Variants in PALM2AKAP2 observed in about 807,000 individuals in gnomAD.
PALM2AKAP2 encodes the protein PALM2-AKAP2 fusion protein.
In PALM2AKAP2, 37 loss-of-function variants were observed where a neutral mutation model predicts 71.5. The ratio of observed to expected loss-of-function variants is 0.52; its 90% confidence interval spans 0.40 to 0.68. The LOEUF is 0.68. Among genes scored for constraint, PALM2AKAP2 ranks in the 30% least tolerant of loss-of-function variants. The pLI is 0.00. For synonymous variants in PALM2AKAP2, 468 were observed against 478.8 expected (o/e 0.98, Z 0.29); for missense variants, 1,224 against 1,191.8 (o/e 1.03, Z -0.40).
intron 1 of PALM2AKAP2, among the ~76,000 whole-genome samples, chr9:109,819,034 A>G (rs1317187104): frequency 1.3e-5 from 2 of 152,242 alleles, no homozygotes; most frequent in Non-Finnish European, 2.9e-5. Context: ...GCAGAGTCCC[A>G]ATTTGAGAAA....
chr9:109,863,459 C>T (rs1829367169), intron 1 of PALM2AKAP2, among the ~76,000 whole-genome samples: 1 of 152,046 alleles, frequency 6.6e-6, no homozygotes, highest in African/African-American at 2.4e-5. Context: ...ATGGTGACTG[C>T]ATGTGTTTGA....
At chr9:110,167,721 T>C (rs940881617) in intron 3 of PALM2AKAP2, among the ~76,000 whole-genome samples, 2 of 152,208 alleles carry the variant, frequency 1.3e-5, no homozygotes, top group African/African-American at 4.8e-5. Flanking sequence ...TTAGTTTAAT[T>C]TTGCCAAAGT....
At chr9:109,669,933 C>T (rs74868869) in intron 1 of PALM2AKAP2, among the ~76,000 whole-genome samples, 10,125 of 149,922 alleles carry the variant, frequency 0.068, 415 homozygotes, top group Non-Finnish European at 0.084. Context: ...TATTTTTCTT[C>T]TATGTATTTT....
intron 2 of PALM2AKAP2, among the ~76,000 whole-genome samples, chr9:110,150,099 T>C (rs1283784579): frequency 6.6e-6 from 1 of 152,162 alleles, no homozygotes; most frequent in Non-Finnish European, 1.5e-5. Context: ...CATGACAGGA[T>C]CAATGCCCTT....
intron 1 of PALM2AKAP2, among the ~76,000 whole-genome samples, chr9:109,757,300 G>T (rs1266895754): frequency 6.6e-6 from 1 of 152,090 alleles, no homozygotes; most frequent in African/African-American, 2.4e-5. Flanking sequence ...ACATTTAGTG[G>T]CAAAGAATAC....
chr9:109,981,734 A>T (rs1435104952), intron 6 of PALM2AKAP2, among the ~76,000 whole-genome samples: 2 of 152,198 alleles, frequency 1.3e-5, no homozygotes, highest in Admixed American at 6.5e-5. Flanking sequence ...GATCCAAAAA[A>T]TGCAAATCAA....
intron 6 of PALM2AKAP2, among the ~76,000 whole-genome samples, chr9:109,951,986 G>T (rs1423482099): frequency 6.6e-6 from 1 of 152,226 alleles, no homozygotes; most frequent in Non-Finnish European, 1.5e-5. Flanking sequence ...GGTGCAGTCT[G>T]CTGTTTAAGA....
chr9:110,091,098 T>C lies in PALM2AKAP2; in HGVS notation c.156+42243T>C, dbSNP rs181584147. ...TGCTGCTAGTCGGGCACTTGGCACT[T>C]TGCAGGGATTTGGGGCAGGTTTTAT... On this transcript the variant is annotated intron_variant, in intron 1 of 3. Coordinates refer to ENST00000374525, the Ensembl canonical transcript of PALM2AKAP2. Among the ~76,000 whole-genome samples the C allele has an allele frequency of 1.1e-4, 16 of 152,264 alleles. No individual in the cohort carries two copies. In the East Asian group the frequency reaches 3.1e-3, roughly 29 times the overall value.
intron 1 of PALM2AKAP2, among the ~76,000 whole-genome samples, chr9:109,643,808 A>G (rs1827109101): frequency 6.6e-6 from 1 of 152,192 alleles, no homozygotes; most frequent in Admixed American, 6.5e-5. Flanking sequence ...GTTATAAAGA[A>G]ATACCTGAGA....
intron 1 of PALM2AKAP2, among the ~76,000 whole-genome samples, chr9:109,865,730 T>A (rs1829432102): frequency 6.6e-6 from 1 of 152,156 alleles, no homozygotes; most frequent in Admixed American, 6.5e-5. Flanking sequence ...ATGACATACA[T>A]CTTGGTTCTG....
At chr9:109,987,488 A>C (rs1365368221) in intron 6 of PALM2AKAP2, among the ~76,000 whole-genome samples, 1 of 152,208 alleles carries the variant, frequency 6.6e-6, no homozygotes, top group African/African-American at 2.4e-5. Context: ...TCAGCTTCAG[A>C]TAAAAACTTG....
At chr9:109,716,073 A>T (rs1182129671) in intron 1 of PALM2AKAP2, among the ~76,000 whole-genome samples, 2 of 152,220 alleles carry the variant, frequency 1.3e-5, no homozygotes, top group Non-Finnish European at 2.9e-5. Context: ...GCCAAAGAAG[A>T]AGTAAGATTT....
At chr9:109,655,383 T>G (rs193048311) in intron 1 of PALM2AKAP2, among the ~76,000 whole-genome samples, 28 of 152,218 alleles carry the variant, frequency 1.8e-4, no homozygotes, top group Admixed American at 1.5e-3. Flanking sequence ...TAGTCCATCT[T>G]ACAAAATATG....
intron 1 of PALM2AKAP2, among the ~76,000 whole-genome samples, chr9:110,081,074 G>A (rs181633485): frequency 3.3e-5 from 5 of 152,266 alleles, no homozygotes; most frequent in African/African-American, 7.2e-5. Flanking sequence ...GAATCCTTCC[G>A]GAGACTGAAT....
chr9:109,770,877 T>C (rs545752673), intron 1 of PALM2AKAP2, among the ~76,000 whole-genome samples: 1 of 152,386 alleles, frequency 6.6e-6, no homozygotes, highest in African/African-American at 2.4e-5. Context: ...GAGCTTTGTA[T>C]ACATTATCTC....
In PALM2AKAP2 at chr9:110,048,713, A is replaced by G. The variant is rs1263663002; in HGVS notation, c.14A>G (p.Gln5Arg). Residue 5 changes from glutamine to arginine, a missense_variant, in exon 1 of 4, where the codon CAG (glutamine) becomes CGG (arginine). Physicochemically the swap from Gln to Arg is conservative, Grantham distance 43. Transcript: ENST00000374525. ...CACTCCCTGCAGATGCGCTGGCCCC[A>G]GCCCGGGGCTGCCGCTCGCCTTCCC... is the stretch of plus-strand genomic sequence containing the variant. 6 of 1,547,714 alleles carry G rather than the reference A, an allele frequency of 3.9e-6. No homozygotes were observed. In the Admixed American group the frequency reaches 5.5e-5, roughly 14 times the overall value.
intron 2 of PALM2AKAP2, among the ~76,000 whole-genome samples, chr9:109,872,530 C>T (rs2131722139): frequency 6.6e-6 from 1 of 152,322 alleles, no homozygotes; most frequent in South Asian, 2.1e-4. Flanking sequence ...AATACATAAA[C>T]TGCCTTTGAA....
At chr9:109,686,812 T>G (rs1277424976) in intron 1 of PALM2AKAP2, among the ~76,000 whole-genome samples, 1 of 151,556 alleles carries the variant, frequency 6.6e-6, no homozygotes, top group Non-Finnish European at 1.5e-5. Flanking sequence ...TATCTCCTAG[T>G]GCTATCCCTC....
At chr9:109,724,658 T>C (rs1828450808) in intron 1 of PALM2AKAP2, among the ~76,000 whole-genome samples, 1 of 152,230 alleles carries the variant, frequency 6.6e-6, no homozygotes, top group Non-Finnish European at 1.5e-5. Context: ...TTTGTGTTAC[T>C]CATTTTATTC....
Sources: allele counts gnomAD v4.1 joint callset (sites outside exome capture counted in the v4.1 genomes callset), GRCh38; gene constraint gnomAD v4.1.1; transcripts MANE v1.5; gene names NCBI Gene and HGNC (gene_info 2026-07-23, HGNC 2026-07-21).